The following ST6GAL1 variants were observed in gnomAD, a reference collection of about 807,000 sequenced individuals.
ST6GAL1 encodes the protein beta-galactoside alpha-2,6-sialyltransferase 1.
Under a neutral mutation model 38.0 loss-of-function variants are expected in ST6GAL1, and 20 were observed. That is an observed-to-expected ratio of 0.53 (90% CI 0.37 to 0.77). The LOEUF (loss-of-function observed/expected upper bound fraction) is 0.77, where lower values mean the gene tolerates loss of function less well. Ranked by LOEUF, ST6GAL1 falls within the 30% of genes least tolerant of loss-of-function variation. The pLI is 0.00. For synonymous variants in ST6GAL1, 196 were observed against 188.2 expected, an observed-to-expected ratio of 1.04 and a Z score of -0.34; for missense variants, 432 against 496.4, an observed-to-expected ratio of 0.87 and a Z score of 1.23.
chr3:187,020,920 A>G (rs1188574091), intron 2 of ST6GAL1, among the ~76,000 whole-genome samples: 4 of 152,034 alleles, frequency 2.6e-5, no homozygotes, highest in Admixed American at 1.3e-4. Context: ...GAGACATCTC[A>G]AAGTGGGGGA....
intron 1 of ST6GAL1, among the ~76,000 whole-genome samples, chr3:186,960,704 A>G (rs1714904704): frequency 6.6e-6 from 1 of 151,966 alleles, no homozygotes; most frequent in South Asian, 2.1e-4. Context: ...GAGTCATCCA[A>G]CTACACTTTA....
intron 5 of ST6GAL1, among the ~76,000 whole-genome samples, chr3:187,057,957 G>A (rs140005381): frequency 2.0e-5 from 3 of 152,248 alleles, no homozygotes; most frequent in South Asian, 2.1e-4. Flanking sequence ...CACCTACTTC[G>A]AGCTTCCAGG....
intron 2 of ST6GAL1, among the ~76,000 whole-genome samples, chr3:186,979,004 G>A (rs753333189): frequency 4.0e-5 from 6 of 151,772 alleles, no homozygotes; most frequent in Non-Finnish European, 7.4e-5. Context: ...CCACCTCCTC[G>A]GCCCTTAGTT....
intron 1 of ST6GAL1, among the ~76,000 whole-genome samples, chr3:186,934,824 T>G (rs529421326): frequency 6.6e-6 from 1 of 151,758 alleles, no homozygotes; most frequent in Non-Finnish European, 1.5e-5. Flanking sequence ...TGGAGTGCAG[T>G]GGTGCAATCT....
chr3:186,946,503 C>T (rs143520911), intron 1 of ST6GAL1, among the ~76,000 whole-genome samples: 92 of 152,138 alleles, frequency 6.0e-4, no homozygotes, highest in Non-Finnish European at 1.2e-3. Flanking sequence ...CGCCGGCCTC[C>T]GAAAGTGTTG....
intron 2 of ST6GAL1, among the ~76,000 whole-genome samples, chr3:187,003,089 C>G (rs1716672735): frequency 6.6e-6 from 1 of 152,192 alleles, no homozygotes; most frequent in Admixed American, 6.5e-5. Context: ...CAGGGAAAGC[C>G]AATGGCGTAG....
At chr3:187,065,008 T>C (rs1719050163) in intron 5 of ST6GAL1, among the ~76,000 whole-genome samples, 2 of 147,874 alleles carry the variant, frequency 1.4e-5, no homozygotes, top group African/African-American at 4.9e-5. Context: ...TCTTTTTCTT[T>C]TTTTTTTTTT....
intron 1 of ST6GAL1, among the ~76,000 whole-genome samples, chr3:186,949,260 A>G (rs146853975): frequency 1.1e-4 from 16 of 152,214 alleles, no homozygotes; most frequent in East Asian, 7.7e-4. Context: ...CAGGTGAGAG[A>G]GGGAAGAAGG....
intron 2 of ST6GAL1, among the ~76,000 whole-genome samples, chr3:187,005,901 G>A (rs535660186): frequency 1.4e-4 from 22 of 152,286 alleles, no homozygotes; most frequent in Non-Finnish European, 2.8e-4. Context: ...GTCTGGGAAA[G>A]CCCTTCAGTA....
intron 2 of ST6GAL1, among the ~76,000 whole-genome samples, chr3:186,977,481 C>T (rs1023161209): frequency 1.3e-5 from 2 of 152,220 alleles, no homozygotes; most frequent in African/African-American, 4.8e-5. Flanking sequence ...GGAACAGCTG[C>T]ACCCTGCCAG....
At chr3:187,009,270 T>A (rs1579318196) in intron 2 of ST6GAL1, among the ~76,000 whole-genome samples, 1 of 152,272 alleles carries the variant, frequency 6.6e-6, no homozygotes, top group Admixed American at 6.5e-5. Context: ...TTAATGGTAC[T>A]ATGGTCGTAT....
At chr3:187,065,565 A>G (rs1204327487) in intron 5 of ST6GAL1, among the ~76,000 whole-genome samples, 1 of 152,166 alleles carries the variant, frequency 6.6e-6, no homozygotes, top group Non-Finnish European at 1.5e-5. Context: ...TTTTGACTAT[A>G]AGAGTAAGAA....
intron 2 of ST6GAL1, among the ~76,000 whole-genome samples, chr3:186,988,179 T>C (rs1469894081): frequency 6.6e-6 from 1 of 152,210 alleles, no homozygotes; most frequent in Non-Finnish European, 1.5e-5. Flanking sequence ...AGTGAACATC[T>C]TTGTATCCTC....
chr3:186,958,450 T>C (rs995662558), intron 1 of ST6GAL1, among the ~76,000 whole-genome samples: 1 of 151,934 alleles, frequency 6.6e-6, no homozygotes, highest in Non-Finnish European at 1.5e-5. Context: ...AATAGGAAGT[T>C]AGTGAATAAT....
rs1560155492 is a variant in ST6GAL1 at position 186,995,518 on chromosome 3, ATAATAAAAT to A, written c.-183+31593_-183+31601del. ...GAGACACCATCTCAAAAAAAAAATAATAATAAAATAAAAAAAAAATAAAGAAATTGTTAA... is the reference window on the plus strand; with the variant it reads ...GAGACACCATCTCAAAAAAAAAATAAAAAAAAAAAATAAAGAAATTGTTAA... On this transcript the variant is annotated intron_variant, in intron 2 of 7. Transcript: ENST00000169298. 2.3e-5 allele frequency among the ~76,000 whole-genome samples: 3 copies of A among 128,112 alleles called. No individual in the cohort carries two copies. In the South Asian group the frequency reaches 7.2e-4, roughly 31 times the overall value. The allele number at this position is 128,112 out of a possible 152,430, so 84.0% of individuals were successfully genotyped here. A position where few individuals can be genotyped will look rare whatever the true frequency, so the allele number is the denominator to read the frequency against.
At chr3:186,988,290 T>C (rs532096984) in intron 2 of ST6GAL1, among the ~76,000 whole-genome samples, 1 of 152,210 alleles carries the variant, frequency 6.6e-6, no homozygotes, top group African/African-American at 2.4e-5. Context: ...CTCTAACGGG[T>C]GCTAATTTGT....
At chr3:187,015,856 A>G (rs1255246371) in intron 2 of ST6GAL1, among the ~76,000 whole-genome samples, 9 of 152,136 alleles carry the variant, frequency 5.9e-5, no homozygotes, top group Non-Finnish European at 1.2e-4. Context: ...AAAAATAAAA[A>G]TAAATAAAAG....
intron 2 of ST6GAL1, among the ~76,000 whole-genome samples, chr3:186,979,989 G>A (rs1205809119): frequency 6.6e-6 from 1 of 152,092 alleles, no homozygotes; most frequent in African/African-American, 2.4e-5. Flanking sequence ...TTATTCCTCC[G>A]TATACCCTAC....
intron 2 of ST6GAL1, 116 bp from the exon 3 acceptor site, chr3:187,038,626 A>T (rs1367904633): frequency 1.3e-5 from 2 of 152,208 alleles, no homozygotes; most frequent in Admixed American, 6.5e-5. Flanking sequence ...TCCTGGATTG[A>T]GACCTAGCCT....
Sources: gnomAD v4.1 joint callset for allele counts (sites outside exome capture counted in the v4.1 genomes callset) on GRCh38, gnomAD v4.1.1 for gene constraint, MANE v1.5 for transcripts, NCBI Gene and HGNC (gene_info 2026-07-23, HGNC 2026-07-21) for gene names.